CD99: variants seen among roughly 807,000 people sequenced by gnomAD.
CD99 encodes the protein CD99 antigen.
Under a neutral mutation model 28.4 loss-of-function variants are expected in CD99, and 19 were observed. That is an observed-to-expected ratio of 0.67 (90% CI 0.47 to 0.98). The LOEUF (loss-of-function observed/expected upper bound fraction) is 0.98. Among genes scored for constraint, CD99 ranks in the 50% least tolerant of loss-of-function variants. The pLI is 0.00. For synonymous variants in CD99, 103 were observed against 92.1 expected (o/e 1.12, Z -0.67); for missense variants, 283 against 248.8 (o/e 1.14, Z -0.92).
chrX:2,740,227 T>C (rs763158899), intron 9 of CD99, among the ~76,000 whole-genome samples: 53 of 152,334 alleles, frequency 3.5e-4, no homozygotes, highest in Non-Finnish European at 7.2e-4. Context: ...AATGAAGTTG[T>C]CTGGCTTCAT....
At chrX:2,703,607 T>A (rs1409672225) in intron 1 of CD99, among the ~76,000 whole-genome samples, 5 of 67,436 alleles carry the variant, frequency 7.4e-5, no homozygotes, top group African/African-American at 7.0e-5. Context: ...AGCTGTTAAG[T>A]GTGTGTGTGT....
intron 2 of CD99, chrX:2,715,601 G>A (rs115852810): frequency 0.046 from 7,063 of 152,230 alleles, 531 homozygotes; most frequent in African/African-American, 0.16. Flanking sequence ...CATCTGCAAA[G>A]ACCCTATTTC....
At chrX:2,707,352 A>AAGAAAAGAAG (rs1312936259) in intron 1 of CD99, among the ~76,000 whole-genome samples, 1 of 150,398 alleles carries the variant, frequency 6.6e-6, no homozygotes, top group African/African-American at 2.5e-5. Context: ...AAGAAAAGAA[A>AAGAAAAGAAG]AAAACAGCAA....
intron 1 of CD99, chrX:2,691,813 C>G (rs368027133): frequency 1.3e-6 from 1 of 776,214 alleles, no homozygotes; most frequent in Admixed American, 1.7e-5. Flanking sequence ...GTCTTCAGGC[C>G]GCGCGCGGAG....
chrX:2,737,984 CTGCCT>C lies in CD99; in HGVS notation c.476-215_476-211del, dbSNP rs1353753430. 3.4e-5 allele frequency: 24 copies of C among 713,528 alleles called. 1 individual carries two copies. Among genetic ancestry groups the C allele is most frequent in the Admixed American group, 8.0e-5 (4 of 49,824 alleles). 44.2% of individuals were successfully genotyped at this position (713,528 alleles called of 1,614,324 possible). A position where few individuals can be genotyped will look rare whatever the true frequency, so the allele number is the denominator to read the frequency against. Reference sequence around the variant, plus strand: ...TGGATTACCCTGTTGAAGTTCATCTCTGCCTGTGCCATGCATGAAAAAATACTGGC... The same window carrying C: ...TGGATTACCCTGTTGAAGTTCATCTCGTGCCATGCATGAAAAAATACTGGC... On this transcript the variant is annotated intron_variant, in intron 8 of 9. Transcript: ENST00000381192.
intron 1 of CD99, among the ~76,000 whole-genome samples, chrX:2,695,764 G>C (rs1186773954): frequency 6.6e-6 from 1 of 151,684 alleles, no homozygotes; most frequent in Non-Finnish European, 1.5e-5. Context: ...CACCTGAATA[G>C]CTGGGAATAC....
Position 2,736,153 on chromosome X carries a change from G to T in CD99, c.476-2047G>T, listed in dbSNP as rs753834624. 8.7e-5 allele frequency among the ~76,000 whole-genome samples: 13 copies of T among 148,970 alleles called. No individual in the cohort carries two copies. The South Asian group carries it at 2.8e-3, about 32-fold the overall frequency. On this transcript the variant is annotated intron_variant, in intron 8 of 9. Coordinates refer to ENST00000381192, the MANE Select transcript of CD99 (RefSeq NM_002414.5). The stretch of plus-strand genomic sequence containing the variant: ...GGAGGCGGAGGTTGCAGTGAGCCGA[G>T]ATCGCGCCACTGCGTTCCAGCCTGG...
At chrX:2,711,441 G>A (rs866029601) in intron 1 of CD99, among the ~76,000 whole-genome samples, 4 of 146,838 alleles carry the variant, frequency 2.7e-5, no homozygotes, top group East Asian at 2.0e-4. Context: ...GTGTATGTGT[G>A]TATATATATA....
At chrX:2,719,575 T>G in intron 3 of CD99, 86 bp from the exon 4 acceptor site, 1 of 1,023,760 alleles carries the variant, frequency 9.8e-7, no homozygotes, top group Non-Finnish European at 1.6e-6. Context: ...TGTGGGGCCG[T>G]GGTGTGTTTT....
In CD99 at chrX:2,735,330, G is replaced by A. The variant is rs750055399; in HGVS notation, c.476-2870G>A. ...TTCTAGCCTGAAAGAAAAGCACCAC[G>A]AATTGTTTGAAGTTGACTTGTCAGA... On this transcript the variant is annotated intron_variant, in intron 8 of 9. Transcript: ENST00000381192. Among the ~76,000 whole-genome samples, 7 of 152,276 alleles carry A rather than the reference G, an allele frequency of 4.6e-5. No homozygotes were observed. The South Asian group carries it at 6.2e-4, about 14-fold the overall frequency.
Position 2,720,390 on chromosome X carries a change from G to T in CD99, c.228G>T (p.Met76Ile). 6.2e-7 allele frequency: 1 copy of T among 1,613,740 alleles called. No homozygotes were observed. Among genetic ancestry groups the T allele is most frequent in the Non-Finnish European group, 8.5e-7 (1 of 1,179,822 alleles). ...GACCACCGAACCCACCCAAACCGAT[G>T]CCAAATCCAAACCCCAACCACCCTA... is the stretch of plus-strand genomic sequence containing the variant. The part of the protein sequence containing the change: ...DPRPPNPPKP[M>I]PNPNPNHPSS... Residue 76 changes from methionine to isoleucine, a missense_variant, in exon 5 of 10, where the codon ATG becomes ATT. Met to Ile is a conservative substitution (Grantham distance 10). Transcript: ENST00000381192.
chrX:2,719,625 G>C, intron 3 of CD99, 36 bp from the exon 4 acceptor site: 1 of 1,594,946 alleles, frequency 6.3e-7, no homozygotes. Flanking sequence ...GTTTCTCTCT[G>C]GAATTTGGTA....
At chrX:2,735,420 A>C (rs1775265374) in intron 8 of CD99, among the ~76,000 whole-genome samples, 1 of 152,264 alleles carries the variant, frequency 6.6e-6, no homozygotes, top group Non-Finnish European at 1.5e-5. Context: ...GGAGCATCTC[A>C]TGAGACCAGT....
At chrX:2,725,136 G>T (rs967185483) in intron 7 of CD99, among the ~76,000 whole-genome samples, 1 of 151,380 alleles carries the variant, frequency 6.6e-6, no homozygotes. Context: ...TGGCTCATGC[G>T]TGTAATCCCA....
chrX:2,728,834 C>CTTTTT lies in CD99; in HGVS notation c.475+2477_475+2481dup, dbSNP rs1332444102. Among the ~76,000 whole-genome samples the CTTTTT allele has an allele frequency of 1.2e-4, 14 of 119,624 alleles. 1 individual carries two copies. The highest frequency in any genetic ancestry group is 4.8e-4 in the East Asian group (2 of 4,128). 78.5% of individuals were successfully genotyped at this position (119,624 alleles called of 152,430 possible). On this transcript the variant is annotated intron_variant, in intron 8 of 9. Transcript: ENST00000381192. Reference sequence around the variant, plus strand: ...AGATGTTGTATTTCAAACTCTCTGGCTTTTTTTTTTTTTTTTTTTTGAGAC... The same window carrying CTTTTT: ...AGATGTTGTATTTCAAACTCTCTGGCTTTTTTTTTTTTTTTTTTTTTTTTTGAGAC...
chrX:2,707,446 G>A (rs2048177544), intron 1 of CD99, among the ~76,000 whole-genome samples: 1 of 152,158 alleles, frequency 6.6e-6, no homozygotes, highest in Non-Finnish European at 1.5e-5. Context: ...TAGTCACGTT[G>A]CAGAGGAACT....
intron 7 of CD99, among the ~76,000 whole-genome samples, chrX:2,725,197 G>A (rs938807129): frequency 2.6e-5 from 4 of 151,290 alleles, no homozygotes; most frequent in African/African-American, 4.9e-5. Context: ...CTGGGAGTTC[G>A]AGATCAGACT....
chrX:2,695,659 T>A (rs311033), intron 1 of CD99, among the ~76,000 whole-genome samples: 114,265 of 149,060 alleles, frequency 0.77, 44,130 homozygotes, highest in South Asian at 0.82. Context: ...TTTGAGACAG[T>A]GTCTCACTGT....
At chrX:2,692,040 G>T in intron 1 of CD99, 2 of 647,652 alleles carry the variant, frequency 3.1e-6, no homozygotes, top group African/African-American at 1.8e-5. Context: ...AAAGAAACGT[G>T]TGCTTACCAA....
Sources: gnomAD v4.1 joint callset for allele counts (sites outside exome capture counted in the v4.1 genomes callset) on GRCh38, gnomAD v4.1.1 for gene constraint, MANE v1.5 for transcripts, NCBI Gene and HGNC (gene_info 2026-07-23, HGNC 2026-07-21) for gene names.